The following C1QL4 variants were observed in gnomAD, a reference collection of about 807,000 sequenced individuals.
C1QL4 encodes complement C1q-like protein 4.
A neutral mutation model predicts 13.4 loss-of-function variants in C1QL4; 5 were observed. That is an observed-to-expected ratio of 0.37 (90% CI 0.19 to 0.78). C1QL4 has a LOEUF of 0.78. Ranked by LOEUF, C1QL4 falls within the 30% of genes least tolerant of loss-of-function variation. The pLI is 0.47. For synonymous variants in C1QL4, 168 were observed against 153.9 expected (o/e 1.09, Z -0.68); for missense variants, 367 against 361.6 (o/e 1.01, Z -0.12).
rs1333011833 is a variant in C1QL4 at position 49,336,013 on chromosome 12, G to T, written c.465C>A (p.Phe155Leu). 2 of 1,611,460 alleles carry T rather than the reference G, an allele frequency of 1.2e-6. No individual in the cohort carries two copies. The highest frequency in any genetic ancestry group is 8.5e-7 in the Non-Finnish European group (1 of 1,179,644). ...CGCGCATGAGCACGTGGTAAGCGAA[G>T]AAGTAGACGCCTGGCATGGGGCAAG... ...KFTCPMPGVYFFAYHVLMRGG... is the reference protein window; with the variant it reads ...KFTCPMPGVYLFAYHVLMRGG... Residue 155 changes from phenylalanine (F) to leucine (L), a missense_variant, in exon 1 of 2, where the codon TTC becomes TTA. Coordinates refer to ENST00000334221, the MANE Select transcript of C1QL4 (RefSeq NM_001008223.2). The surrounding 1 kb of genome is among the most constrained non-coding windows in gnomAD (Gnocchi z 7.7).
chr12:49,336,427 G>A lies in C1QL4; in HGVS notation c.51C>T (p.Arg17=). The change falls in exon 1 of 2, where the codon CGC becomes CGT. Residue 17 remains arginine, a synonymous_variant. Transcript: ENST00000334221. The surrounding 1 kb of genome is among the most constrained non-coding windows in gnomAD (Gnocchi z 7.7). Reference sequence around the variant, plus strand: ...CCAGCATCTCGTAGTGCGCTGGCCCGCGGGAGCTGTGCACCAGCAGCGGGA... The same window carrying A: ...CCAGCATCTCGTAGTGCGCTGGCCCACGGGAGCTGTGCACCAGCAGCGGGA... ...VAIPLLVHSS[R]GPAHYEMLGR... The A allele has an allele frequency of 6.5e-7, 1 of 1,548,894 alleles. No individual in the cohort carries two copies. The highest frequency in any genetic ancestry group is 1.2e-5 in the South Asian group (1 of 85,788).
intron 1 of C1QL4, among the ~76,000 whole-genome samples, 178 bp from the exon 2 acceptor site, chr12:49,333,411 C>G (rs1161385524): frequency 1.3e-5 from 2 of 152,106 alleles, no homozygotes; most frequent in Non-Finnish European, 2.9e-5. Context: ...CTGTGTGACG[C>G]GGAGCAAATA....
intron 1 of C1QL4, among the ~76,000 whole-genome samples, chr12:49,333,804 C>A (rs1207172571): frequency 1.3e-5 from 2 of 151,754 alleles, no homozygotes; most frequent in African/African-American, 2.4e-5. Flanking sequence ...TCTCAAAGTG[C>A]TGAGATTACA....
chr12:49,334,389 G>A (rs1458999977), intron 1 of C1QL4, among the ~76,000 whole-genome samples: 3 of 152,242 alleles, frequency 2.0e-5, no homozygotes, highest in African/African-American at 4.8e-5. Flanking sequence ...CGGATTTCCC[G>A]ACCAAGCACC....
rs751730515 is a variant in C1QL4 at position 49,336,049 on chromosome 12, G to A, written c.429C>T (p.Ser143=). The change falls in exon 1 of 2, where the codon AGC becomes AGT. Residue 143 remains serine, a synonymous_variant. Coordinates refer to ENST00000334221, the MANE Select transcript of C1QL4 (RefSeq NM_001008223.2). This position sits in a 1 kb window ranked among gnomAD's most constrained non-coding sequence, Gnocchi z 7.7. ...CTGGCATGGGGCAAGTAAACTTGCCGCTGGCTGCCTCGTAGGCGTTGCCCA... is the reference window on the plus strand; with the variant it reads ...CTGGCATGGGGCAAGTAAACTTGCCACTGGCTGCCTCGTAGGCGTTGCCCA... ...TNVGNAYEAA[S]GKFTCPMPGV... is the part of the protein sequence containing the mutation. The A allele has an allele frequency of 4.3e-6, 7 of 1,611,990 alleles. No individual in the cohort carries two copies. The highest frequency in any genetic ancestry group is 4.0e-5 in the African/African-American group (3 of 74,892).
rs1320824966 is a variant in C1QL4 at position 49,336,494 on chromosome 12, G to C, written c.-17C>G. 6.7e-7 allele frequency: 1 copy of C among 1,482,258 alleles called. No homozygotes were observed. Among genetic ancestry groups the C allele is most frequent in the Non-Finnish European group, 8.8e-7 (1 of 1,132,502 alleles). 91.8% of individuals were successfully genotyped at this position (1,482,258 alleles called of 1,614,324 possible). On this transcript the variant is annotated 5_prime_UTR_variant, in exon 1 of 2. Coordinates refer to ENST00000334221, the MANE Select transcript of C1QL4 (RefSeq NM_001008223.2). The surrounding 1 kb of genome is among the most constrained non-coding windows in gnomAD (Gnocchi z 7.7). ...CAGCACCATGGCCACTCCGACGGCC[G>C]CGCCCGCCACCCTCTTGCGGCGGCT... is the stretch of plus-strand genomic sequence containing the variant.
At position 49,336,720 on chromosome 12, in the gene C1QL4, A is replaced by G. The variant is rs1015912196; in HGVS notation, c.-243T>C. 2 of 465,318 alleles carry G rather than the reference A, an allele frequency of 4.3e-6. No individual in the cohort carries two copies. Among genetic ancestry groups the G allele is most frequent in the Non-Finnish European group, 3.7e-6 (1 of 267,478 alleles). The allele number at this position is 465,318 out of a possible 1,614,324, so 28.8% of individuals were successfully genotyped here. Reference sequence around the variant, plus strand: ...GGTGCCGCTCCCCAAGCCGTCCGTCAAGGGGAGGCCCCTCGTGGGTTACGT... The same window carrying G: ...GGTGCCGCTCCCCAAGCCGTCCGTCGAGGGGAGGCCCCTCGTGGGTTACGT... On this transcript the variant is annotated 5_prime_UTR_variant, in exon 1 of 2. Coordinates refer to ENST00000334221, the MANE Select transcript of C1QL4 (RefSeq NM_001008223.2). The surrounding 1 kb of genome is among the most constrained non-coding windows in gnomAD (Gnocchi z 7.7).
At position 49,336,005 on chromosome 12, in the gene C1QL4, T is replaced by TC; in HGVS notation, c.472_473insG (p.Tyr158Ter). The TC allele has an allele frequency of 6.2e-7, 1 of 1,611,096 alleles. No individual in the cohort carries two copies. The highest frequency in any genetic ancestry group is 1.1e-5 in the South Asian group (1 of 90,726). Residue 158 changes from tyrosine to a stop codon, truncating the protein, a stop_gained and frameshift_variant, in exon 1 of 2, where the codon TAC becomes TGAC. Transcript: ENST00000334221. LOFTEE classifies it high-confidence loss of function. The surrounding 1 kb of genome is among the most constrained non-coding windows in gnomAD (Gnocchi z 7.7). ...CPMPGVYFFA[Y>*]HVLMRGGDGT... ...GTCGCCGCCGCGCATGAGCACGTGGTAAGCGAAGAAGTAGACGCCTGGCAT... is the reference window on the plus strand; with the variant it reads ...GTCGCCGCCGCGCATGAGCACGTGGTCAAGCGAAGAAGTAGACGCCTGGCAT...
intron 1 of C1QL4, 53 bp downstream of exon 1, chr12:49,335,888 G>A: frequency 6.4e-7 from 1 of 1,553,128 alleles, no homozygotes; most frequent in Non-Finnish European, 8.7e-7. Context: ...ATGAGTGCAG[G>A]GAGATCTAGA....
At position 49,333,219 on chromosome 12, in the gene C1QL4, G is replaced by A. The variant is rs373941141; in HGVS notation, c.552C>T (p.Ala184=). ...LMKNGQVRAS[A]IAQDADQNYD... is the part of the protein sequence containing the mutation. ...AGTTCTGGTCCGCGTCCTGAGCAAT[G>A]GCGCTGGCCCGGACCTATCGAGGGA... Residue 184 remains alanine, a synonymous_variant, in exon 2 of 2, where the codon GCC becomes GCT. Coordinates refer to ENST00000334221, the MANE Select transcript of C1QL4 (RefSeq NM_001008223.2). 12 of 1,613,808 alleles carry A rather than the reference G, an allele frequency of 7.4e-6. No homozygotes were observed. The highest frequency in any genetic ancestry group is 1.7e-5 in the Admixed American group (1 of 59,994).
chr12:49,333,244 A>G lies in C1QL4; in HGVS notation c.538-11T>C, dbSNP rs778063736. The G allele has an allele frequency of 6.2e-7, 1 of 1,612,256 alleles. No homozygotes were observed. Among genetic ancestry groups the G allele is most frequent in the East Asian group, 2.2e-5 (1 of 44,828 alleles). On this transcript the variant is annotated splice_polypyrimidine_tract_variant and intron_variant, in intron 1 of 1. Coordinates refer to ENST00000334221, the MANE Select transcript of C1QL4 (RefSeq NM_001008223.2). ...GGCGCTGGCCCGGACCTATCGAGGG[A>G]GAAGAACCTGCTCATGCTCTGTGTG...
In C1QL4 at chr12:49,332,833, C is replaced by T; in HGVS notation, c.*221G>A. The T allele has an allele frequency of 1.7e-6, 1 of 581,278 alleles. No individual in the cohort carries two copies. Among genetic ancestry groups the T allele is most frequent in the Admixed American group, 3.1e-5 (1 of 31,792 alleles). 36.0% of individuals were successfully genotyped at this position (581,278 alleles called of 1,614,324 possible). A position where few individuals can be genotyped will look rare whatever the true frequency, so the allele number is the denominator to read the frequency against. On this transcript the variant is annotated 3_prime_UTR_variant, in exon 2 of 2. Coordinates refer to ENST00000334221, the MANE Select transcript of C1QL4 (RefSeq NM_001008223.2). ...GCGCGCACTTGGGTGCGGGTGATCC[C>T]TCCGGAAGTCGCTCTGCTCCTCTGG...
Position 49,333,126 on chromosome 12 carries a change from G to T in C1QL4, c.645C>A (p.Asp215Glu). ...DVGDEVFIKLDGGKVHGGNTN... is the reference protein window; with the variant it reads ...DVGDEVFIKLEGGKVHGGNTN... Reference sequence around the variant, plus strand: ...TGTTGCCGCCGTGCACTTTCCCGCCGTCCAGCTTGATGAAGACCTCGTCGC... The same window carrying T: ...TGTTGCCGCCGTGCACTTTCCCGCCTTCCAGCTTGATGAAGACCTCGTCGC... The change falls in exon 2 of 2, where the codon GAC (aspartate) becomes GAA (glutamate). Residue 215 changes from aspartate to glutamate, a missense_variant. Coordinates refer to ENST00000334221, the MANE Select transcript of C1QL4 (RefSeq NM_001008223.2). The T allele has an allele frequency of 6.2e-7, 1 of 1,614,134 alleles. No individual in the cohort carries two copies. Among genetic ancestry groups the T allele is most frequent in the Non-Finnish European group, 8.5e-7 (1 of 1,179,988 alleles).
intron 1 of C1QL4, among the ~76,000 whole-genome samples, chr12:49,335,607 G>GA (rs1463293691): frequency 1.3e-5 from 2 of 152,200 alleles, no homozygotes; most frequent in African/African-American, 4.8e-5. Flanking sequence ...GACAGGACGA[G>GA]AAAAGAAGCG....
In C1QL4 at chr12:49,336,061, G is replaced by C; in HGVS notation, c.417C>G (p.Tyr139Ter). 2 of 1,612,354 alleles carry C rather than the reference G, an allele frequency of 1.2e-6. No individual in the cohort carries two copies. The highest frequency in any genetic ancestry group is 1.7e-6 in the Non-Finnish European group (2 of 1,179,950). Residue 139 changes from tyrosine to a stop codon, truncating the protein, a stop_gained, in exon 1 of 2, where the codon TAC becomes TAG. Coordinates refer to ENST00000334221, the MANE Select transcript of C1QL4 (RefSeq NM_001008223.2). LOFTEE classifies it high-confidence loss of function. This position sits in a 1 kb window ranked among gnomAD's most constrained non-coding sequence, Gnocchi z 7.7. ...AAGTAAACTTGCCGCTGGCTGCCTC[G>C]TAGGCGTTGCCCACGTTGGTCACCA... ...DDVVTNVGNA[Y>*]EAASGKFTCP...
rs752884844 is a variant in C1QL4 at position 49,333,233 on chromosome 12, C to G, written c.538G>C (p.Val180Leu). 6.2e-7 allele frequency: 1 copy of G among 1,613,180 alleles called. No individual in the cohort carries two copies. The highest frequency in any genetic ancestry group is 1.3e-5 in the African/African-American group (1 of 74,882). Residue 180 changes from valine to leucine, a missense_variant and splice_region_variant, in exon 2 of 2, where the codon GTC becomes CTC. Transcript: ENST00000334221. ...MWADLMKNGQ[V>L]RASAIAQDAD... ...TCCTGAGCAATGGCGCTGGCCCGGA[C>G]CTATCGAGGGAGAAGAACCTGCTCA...
chr12:49,337,188 T>C lies in C1QL4; in HGVS notation c.-711A>G, dbSNP rs1943640817. On this transcript the variant is annotated 5_prime_UTR_variant, in exon 1 of 2. Transcript: ENST00000334221. ...CCCTCCCTCCCGGGCGCGGGTGGTA[T>C]GAGGCGCCGCGCGGCGGGAGCCACT... 6.6e-6 allele frequency: 1 copy of C among 151,912 alleles called. No individual in the cohort carries two copies. The highest frequency in any genetic ancestry group is 1.5e-5 in the Non-Finnish European group (1 of 67,950). 9.4% of individuals were successfully genotyped at this position (151,912 alleles called of 1,614,324 possible).
Position 49,337,076 on chromosome 12 carries a change from C to T in C1QL4, c.-599G>A, listed in dbSNP as rs1427125171. On this transcript the variant is annotated 5_prime_UTR_variant, in exon 1 of 2. Coordinates refer to ENST00000334221, the MANE Select transcript of C1QL4 (RefSeq NM_001008223.2). ...GCAAGCACCGACTCACCTTGCTACC[C>T]CTGCCGCGGCCCCAGTCCCTGCTAG... is the stretch of plus-strand genomic sequence containing the variant. 6.6e-6 allele frequency: 1 copy of T among 152,428 alleles called. No individual in the cohort carries two copies. Among genetic ancestry groups the T allele is most frequent in the African/African-American group, 2.4e-5 (1 of 41,456 alleles). 9.4% of individuals were successfully genotyped at this position (152,428 alleles called of 1,614,324 possible).
Position 49,332,871 on chromosome 12 carries a change from C to G in C1QL4, c.*183G>C. ...TCTGCTCCTCTGGCCGGGTCTCCTC[C>G]TCTTCCCGGCCACTTATACCCTTGA... On this transcript the variant is annotated 3_prime_UTR_variant, in exon 2 of 2. Transcript: ENST00000334221. 2 of 661,564 alleles carry G rather than the reference C, an allele frequency of 3.0e-6. No individual in the cohort carries two copies. The highest frequency in any genetic ancestry group is 5.0e-6 in the Non-Finnish European group (2 of 396,510). The allele number at this position is 661,564 out of a possible 1,614,324, so 41.0% of individuals were successfully genotyped here. A position where few individuals can be genotyped will look rare whatever the true frequency, so the allele number is the denominator to read the frequency against.
Sources: gnomAD v4.1 joint callset for allele counts (sites outside exome capture counted in the v4.1 genomes callset) on GRCh38, gnomAD v4.1.1 for gene constraint, Gnocchi (gnomAD v3.1) non-coding constraint, MANE v1.5 for transcripts, NCBI Gene and HGNC (gene_info 2026-07-23, HGNC 2026-07-21) for gene names.